USP34: variants seen among roughly 807,000 people sequenced by gnomAD.
USP34 encodes ubiquitin carboxyl-terminal hydrolase 34.
In USP34, 70 loss-of-function variants were observed where a neutral mutation model predicts 460.3. That is an observed-to-expected ratio of 0.15 (90% CI 0.13 to 0.19). The LOEUF is 0.19. USP34 is among the 10% of genes least tolerant of loss of function. USP34 has a pLI of 1.00. For missense variants in USP34, 3,985 were observed against 4,236.2 expected (o/e 0.94, Z 1.65); for synonymous variants, 1,647 against 1,405.3 (o/e 1.17, Z -3.85).
chr2:61,375,142 A>T (rs1391637482), intron 8 of USP34, among the ~76,000 whole-genome samples: 1 of 152,176 alleles, frequency 6.6e-6, no homozygotes, highest in East Asian at 1.9e-4. Context: ...TAACCACATA[A>T]AAAGCTGCTC....
chr2:61,281,341 G>C, intron 37 of USP34, 99 bp from the exon 38 acceptor site: 1 of 1,397,426 alleles, frequency 7.2e-7, no homozygotes, highest in Non-Finnish European at 9.6e-7. Flanking sequence ...ACAATGTTCT[G>C]CCGGGCAAGC....
At chr2:61,373,568 A>G (rs1692696305) in intron 8 of USP34, among the ~76,000 whole-genome samples, 1 of 152,212 alleles carries the variant, frequency 6.6e-6, no homozygotes, top group African/African-American at 2.4e-5. Context: ...TTTAAAACGA[A>G]AAAAAGGATC....
chr2:61,276,535 G>A (rs527728225), intron 41 of USP34, among the ~76,000 whole-genome samples: 1 of 152,216 alleles, frequency 6.6e-6, no homozygotes, highest in African/African-American at 2.4e-5. Context: ...CATCACCATA[G>A]CATGAGAGGA....
intron 10 of USP34, among the ~76,000 whole-genome samples, chr2:61,366,760 G>C (rs1283616622): frequency 6.6e-6 from 1 of 152,072 alleles, no homozygotes; most frequent in East Asian, 1.9e-4. Flanking sequence ...TTAGAAATAT[G>C]AATGTGGCCG....
rs767050787 is a variant in USP34 at position 61,378,434 on chromosome 2, A to C, written c.1015-10T>G. On this transcript the variant is annotated splice_polypyrimidine_tract_variant and intron_variant, in intron 7 of 79. Transcript: ENST00000398571. ...AGGTATGGAGTTGATTCTATGATTA[A>C]AGACAAGAAATTAAGGGTTTTTATT... The C allele has an allele frequency of 6.3e-7, 1 of 1,575,224 alleles. No homozygotes were observed. Among genetic ancestry groups the C allele is most frequent in the Admixed American group, 2.0e-5 (1 of 49,984 alleles).
At chr2:61,410,928 A>G (rs1694017476) in intron 2 of USP34, among the ~76,000 whole-genome samples, 1 of 152,178 alleles carries the variant, frequency 6.6e-6, no homozygotes, top group Non-Finnish European at 1.5e-5. Context: ...GCAGGGATGA[A>G]GCCTGAGGCA....
chr2:61,317,899 A>G (rs1690799526), intron 22 of USP34, 132 bp from the exon 23 acceptor site: 1 of 632,220 alleles, frequency 1.6e-6, no homozygotes, highest in Non-Finnish European at 2.6e-6. Flanking sequence ...TGATAATTTT[A>G]AAAAATAAAA....
At chr2:61,192,543 G>A (rs1558457979) in intron 76 of USP34, among the ~76,000 whole-genome samples, 1 of 152,228 alleles carries the variant, frequency 6.6e-6, no homozygotes. Context: ...TGGTGGAAAA[G>A]AGGTAGAGAC....
At chr2:61,403,956 G>A (rs1693793502) in intron 3 of USP34, among the ~76,000 whole-genome samples, 1 of 123,026 alleles carries the variant, frequency 8.1e-6, no homozygotes, top group Non-Finnish European at 1.6e-5. Flanking sequence ...TCACACCACT[G>A]CACTCCAGCC....
At chr2:61,408,228 G>C (rs2694638) in intron 2 of USP34, among the ~76,000 whole-genome samples, 80,525 of 151,942 alleles carry the variant, frequency 0.53, 21,597 homozygotes, top group South Asian at 0.73. Flanking sequence ...ACATGACTAT[G>C]ACCTGGCCAA....
Position 61,188,278 on chromosome 2 carries a change from G to T in USP34, c.10465C>A (p.Gln3489Lys), listed in dbSNP as rs1461208634. 1 of 1,613,944 alleles carries T rather than the reference G, an allele frequency of 6.2e-7. No homozygotes were observed. The highest frequency in any genetic ancestry group is 1.7e-5 in the Admixed American group (1 of 60,022). Residue 3489 changes from glutamine to lysine, a missense_variant, in exon 80 of 80, where the codon CAA becomes AAA. Gln to Lys is a moderately conservative substitution (Grantham distance 53). Around this residue, in one of 14 missense-constraint regions of USP34, gnomAD observed 506 missense variants for 439.0 expected, o/e 1.15. Coordinates refer to ENST00000398571, the MANE Select transcript of USP34 (RefSeq NM_014709.4). ...DLADLRSCDGQALPSQDPEVA... is the reference protein window; with the variant it reads ...DLADLRSCDGKALPSQDPEVA... Reference sequence around the variant, plus strand: ...TCAGGGTCCTGGGAGGGCAAAGCTTGGCCATCACAGCTTCTCAAGTCAGCT... The same window carrying T: ...TCAGGGTCCTGGGAGGGCAAAGCTTTGCCATCACAGCTTCTCAAGTCAGCT...
At chr2:61,262,916 G>GTATT (rs1688935985) in intron 43 of USP34, among the ~76,000 whole-genome samples, 1 of 151,952 alleles carries the variant, frequency 6.6e-6, no homozygotes, top group South Asian at 2.1e-4. Flanking sequence ...GTTTAGTTTT[G>GTATT]TATTTCTCTA....
At position 61,283,454 on chromosome 2, in the gene USP34, A is replaced by G. The variant is rs766162831; in HGVS notation, c.4833-5T>C. ...TCAGACTGAGCTTTTAAAACTCTGT[A>G]AAGTAAAAACACCACCACCACCAAT... is the stretch of plus-strand genomic sequence containing the variant. On this transcript the variant is annotated splice_region_variant and splice_polypyrimidine_tract_variant and intron_variant, in intron 35 of 79. Coordinates refer to ENST00000398571, the MANE Select transcript of USP34 (RefSeq NM_014709.4). The G allele has an allele frequency of 4.4e-6, 7 of 1,605,520 alleles. No homozygotes were observed. The highest frequency in any genetic ancestry group is 1.3e-5 in the African/African-American group (1 of 74,452).
At chr2:61,328,499 T>G (rs1691166040) in intron 20 of USP34, among the ~76,000 whole-genome samples, 1 of 151,946 alleles carries the variant, frequency 6.6e-6, no homozygotes, top group African/African-American at 2.4e-5. Context: ...GAGTAGCAAA[T>G]GTACACTTGT....
Position 61,293,558 on chromosome 2 carries a change from C to A in USP34, c.4462-8G>T. The A allele has an allele frequency of 6.2e-7, 1 of 1,607,976 alleles. No homozygotes were observed. On this transcript the variant is annotated splice_region_variant and splice_polypyrimidine_tract_variant and intron_variant, in intron 32 of 79. Coordinates refer to ENST00000398571, the MANE Select transcript of USP34 (RefSeq NM_014709.4). ...CCCTCCAGCAGCAACAAACTGTAGG[C>A]AATTGTGAAAGTAATAGTAAGAGAA...
chr2:61,348,297 G>A lies in USP34; in HGVS notation c.1858C>T (p.Leu620Phe), dbSNP rs1229588775. ...TCATCGTCTTCATCTTCCTCTTTGA[G>A]GGCTTCAATATCTGCAATGTCTTCT... is the stretch of plus-strand genomic sequence containing the variant. ...QSEDIADIEA[L>F]KEEDEDDDHG... The change falls in exon 15 of 80, where the codon CTC becomes TTC. Residue 620 changes from leucine (L) to phenylalanine (F), a missense_variant. By Grantham distance (22) the Leu-to-Phe change is conservative. Coordinates refer to ENST00000398571, the MANE Select transcript of USP34 (RefSeq NM_014709.4). 2 of 1,614,104 alleles carry A rather than the reference G, an allele frequency of 1.2e-6. No individual in the cohort carries two copies. The highest frequency in any genetic ancestry group is 1.1e-5 in the South Asian group (1 of 91,078).
intron 27 of USP34, among the ~76,000 whole-genome samples, chr2:61,305,118 G>A (rs976159518): frequency 6.6e-6 from 1 of 152,158 alleles, no homozygotes; most frequent in Non-Finnish European, 1.5e-5. Flanking sequence ...GAGGTCAGGA[G>A]CTCGAGACCA....
chr2:61,356,654 A>G (rs1468961747), intron 10 of USP34, among the ~76,000 whole-genome samples: 2 of 152,242 alleles, frequency 1.3e-5, no homozygotes, highest in African/African-American at 2.4e-5. Context: ...TCAGAAACCT[A>G]GACTACTCAA....
chr2:61,208,799 TA>T, intron 70 of USP34, 99 bp downstream of exon 70: 1 of 781,518 alleles, frequency 1.3e-6, no homozygotes, highest in Non-Finnish European at 1.9e-6. Context: ...TTGCCACCTG[TA>T]AAACAGTTTA....
Sources: allele counts gnomAD v4.1 joint callset (sites outside exome capture counted in the v4.1 genomes callset), GRCh38; gene constraint gnomAD v4.1.1; regional missense constraint gnomAD v4.1.1; transcripts MANE v1.5; gene names NCBI Gene and HGNC (gene_info 2026-07-23, HGNC 2026-07-21).